LOXL2: variants seen among roughly 807,000 people sequenced by gnomAD.
LOXL2 encodes lysyl oxidase homolog 2.
In LOXL2, 70 loss-of-function variants were observed where a neutral mutation model predicts 93.0. That is an observed-to-expected ratio of 0.75 (90% CI 0.62 to 0.92). The LOEUF (loss-of-function observed/expected upper bound fraction) is 0.92, where lower values mean the gene tolerates loss of function less well. LOXL2 is among the 40% of genes least tolerant of loss of function. The probability of loss-of-function intolerance (pLI) is 0.00; values close to 1 mark genes in which losing one functional copy is unlikely to be tolerated. For missense variants in LOXL2, 973 were observed against 1,054.9 expected, an observed-to-expected ratio of 0.92 and a Z score of 1.08; for synonymous variants, 438 against 413.2, an observed-to-expected ratio of 1.06 and a Z score of -0.73.
chr8:23,341,400 G>C, intron 3 of LOXL2, 197 bp from the exon 4 acceptor site: 1 of 601,460 alleles, frequency 1.7e-6, no homozygotes, highest in African/African-American at 1.8e-5. Flanking sequence ...CTATGCATGG[G>C]AGATAGTGAG....
chr8:23,322,175 ATCC>A lies in LOXL2; in HGVS notation c.1254_1256del (p.Glu418del), dbSNP rs1196432282. 2 of 1,614,186 alleles carry A rather than the reference ATCC, an allele frequency of 1.2e-6. No individual in the cohort carries two copies. Among genetic ancestry groups the A allele is most frequent in the Non-Finnish European group, 1.7e-6 (2 of 1,180,026 alleles). On this transcript the variant is annotated inframe_deletion, in exon 7 of 14. Transcript: ENST00000389131. ...CAGGGGTGTTGCATCTCACACCAGC[ATCC>A]TCCTCGTGGTTGCAGCCCTGAGACT... is the stretch of plus-strand genomic sequence containing the variant.
At chr8:23,327,019 T>C (rs1563191055) in intron 6 of LOXL2, among the ~76,000 whole-genome samples, 2 of 152,216 alleles carry the variant, frequency 1.3e-5, no homozygotes, top group South Asian at 2.1e-4. Context: ...CTGCCAGCAA[T>C]GAATGGGGTG....
At chr8:23,323,478 T>C (rs4524801) in intron 6 of LOXL2, among the ~76,000 whole-genome samples, 110,286 of 152,012 alleles carry the variant, frequency 0.73, 40,167 homozygotes, top group Non-Finnish European at 0.76. Flanking sequence ...AACCTCCAGC[T>C]TCCTCCATGG....
At chr8:23,373,830 C>A (rs564389304) in intron 1 of LOXL2, among the ~76,000 whole-genome samples, 1 of 152,066 alleles carries the variant, frequency 6.6e-6, no homozygotes, top group East Asian at 1.9e-4. Flanking sequence ...CTACTACCCC[C>A]AGCCTGGCAC....
rs770059126 is a variant in LOXL2, at chr8:23,367,905, C to A, written c.355+92G>T. 4 of 992,678 alleles carry A rather than the reference C, an allele frequency of 4.0e-6. No homozygotes were observed. In the Admixed American group the frequency reaches 6.5e-5, roughly 16 times the overall value. 61.5% of individuals were successfully genotyped at this position (992,678 alleles called of 1,614,324 possible). A position where few individuals can be genotyped will look rare whatever the true frequency, so the allele number is the denominator to read the frequency against. On this transcript the variant is annotated intron_variant, in intron 2 of 13. Transcript: ENST00000389131. ...CACCAAGAATTTACACTTCGCAGTGCGTGCAGCCTCCTCTCCCAGGCTGAC... is the reference window on the plus strand; with the variant it reads ...CACCAAGAATTTACACTTCGCAGTGAGTGCAGCCTCCTCTCCCAGGCTGAC...
chr8:23,362,245 T>A (rs895411140), intron 2 of LOXL2, among the ~76,000 whole-genome samples: 1 of 152,170 alleles, frequency 6.6e-6, no homozygotes, highest in Non-Finnish European at 1.5e-5. Flanking sequence ...AGACAAATAT[T>A]GTATGGGGTA....
chr8:23,314,796 TAATA>T (rs1803367589), intron 9 of LOXL2, among the ~76,000 whole-genome samples: 1 of 146,118 alleles, frequency 6.8e-6, no homozygotes, highest in Admixed American at 6.8e-5. Flanking sequence ...AGTATAATAA[TAATA>T]AATACATAAA....
At chr8:23,339,206 T>A (rs545242807) in intron 4 of LOXL2, among the ~76,000 whole-genome samples, 1 of 152,214 alleles carries the variant, frequency 6.6e-6, no homozygotes, top group Admixed American at 6.5e-5. Context: ...GAGAAGGTCG[T>A]GCTTCCCTTC....
intron 1 of LOXL2, among the ~76,000 whole-genome samples, chr8:23,389,161 G>A (rs1350716404): frequency 6.6e-6 from 1 of 152,148 alleles, no homozygotes; most frequent in Non-Finnish European, 1.5e-5. Context: ...AGAGCTAACA[G>A]AGGAAAAGAA....
intron 3 of LOXL2, among the ~76,000 whole-genome samples, chr8:23,353,676 G>A (rs1804134509): frequency 6.6e-6 from 1 of 152,258 alleles, no homozygotes; most frequent in Non-Finnish European, 1.5e-5. Context: ...GAGTGATTCA[G>A]TGGTAGGACT....
At position 23,368,275 on chromosome 8, in the gene LOXL2, T is replaced by C. The variant is rs142272694; in HGVS notation, c.77A>G (p.Gln26Arg). 4.3e-6 allele frequency: 7 copies of C among 1,613,804 alleles called. No individual in the cohort carries two copies. Among genetic ancestry groups the C allele is most frequent in the Non-Finnish European group, 5.9e-6 (7 of 1,180,018 alleles). ...GGGGTAATGGGGCCAGCTGTCATAC[T>C]GTGCCAGGCTCAGGGGGGACAGGAG... ...LALLSPLSLA[Q>R]YDSWPHYPEY... The change falls in exon 2 of 14, where the codon CAG becomes CGG. Residue 26 changes from glutamine (Q) to arginine (R), a missense_variant. By Grantham distance (43) the Gln-to-Arg change is conservative. Transcript: ENST00000389131.
At position 23,332,457 on chromosome 8, in the gene LOXL2, CCA is replaced by C. The variant is rs201379816; in HGVS notation, c.966+942_966+943del. 2.8e-3 allele frequency among the ~76,000 whole-genome samples: 371 copies of C among 134,280 alleles called. 22 individuals are homozygous for C. The East Asian group carries it at 0.069, about 25-fold the overall frequency. 88.1% of individuals were successfully genotyped at this position (134,280 alleles called of 152,430 possible). ...ACCCCACACACTCCTACAGACACACCCACACACATACCCCCCACACACTCCCA... is the reference window on the plus strand; with the variant it reads ...ACCCCACACACTCCTACAGACACACCCACACATACCCCCCACACACTCCCA... On this transcript the variant is annotated intron_variant, in intron 5 of 13. Coordinates refer to ENST00000389131, the MANE Select transcript of LOXL2 (RefSeq NM_002318.3).
intron 4 of LOXL2, among the ~76,000 whole-genome samples, chr8:23,334,291 G>C (rs555432241): frequency 6.6e-6 from 1 of 152,208 alleles, no homozygotes. Context: ...TGCCTGCCTC[G>C]GCCTCCCAAA....
intron 10 of LOXL2, among the ~76,000 whole-genome samples, chr8:23,305,413 G>A (rs748057859): frequency 9.2e-5 from 14 of 152,110 alleles, no homozygotes; most frequent in Non-Finnish European, 1.8e-4. Context: ...TTCTGTCCTG[G>A]GCATCTCGCT....
chr8:23,298,193 G>A (rs117777140), intron 13 of LOXL2, 71 bp from the exon 14 acceptor site: 31,113 of 1,229,232 alleles, frequency 0.025, 487 homozygotes, highest in Non-Finnish European at 0.031. Context: ...CCTGAGCCAG[G>A]GGAGTGGGCC....
intron 5 of LOXL2, among the ~76,000 whole-genome samples, chr8:23,332,421 C>A (rs1803703601): frequency 7.2e-6 from 1 of 139,260 alleles, no homozygotes; most frequent in South Asian, 2.4e-4. Context: ...CCGCCACACA[C>A]CCACAAACAC....
intron 11 of LOXL2, 87 bp from the exon 12 acceptor site, chr8:23,302,250 T>A: frequency 6.5e-7 from 1 of 1,545,944 alleles, no homozygotes; most frequent in Non-Finnish European, 8.9e-7. Context: ...CCCCTACCGC[T>A]GCTTCATCTG....
Position 23,317,122 on chromosome 8 carries a change from A to T in LOXL2, c.1471-8T>A. 1 of 1,613,706 alleles carries T rather than the reference A, an allele frequency of 6.2e-7. No homozygotes were observed. The highest frequency in any genetic ancestry group is 8.5e-7 in the Non-Finnish European group (1 of 1,179,850). On this transcript the variant is annotated splice_region_variant and splice_polypyrimidine_tract_variant and intron_variant, in intron 8 of 13. Transcript: ENST00000389131. ...GTGCCAATACCAGGTCTCCTGGAAG[A>T]ACCAACAAAACAAATGGTGGGTACA...
intron 9 of LOXL2, among the ~76,000 whole-genome samples, chr8:23,314,189 T>C (rs1271905005): frequency 6.6e-6 from 1 of 151,858 alleles, no homozygotes; most frequent in Non-Finnish European, 1.5e-5. Flanking sequence ...TTTTACACTG[T>C]TGGTGGGACT....
Sources: gnomAD v4.1 joint callset for allele counts (sites outside exome capture counted in the v4.1 genomes callset) on GRCh38, gnomAD v4.1.1 for gene constraint, MANE v1.5 for transcripts, NCBI Gene and HGNC (gene_info 2026-07-23, HGNC 2026-07-21) for gene names.